Variants in IQSEC1 observed in about 807,000 individuals in gnomAD.
IQSEC1 encodes IQ motif and SEC7 domain-containing protein 1.
A neutral mutation model predicts 91.0 loss-of-function variants in IQSEC1; 31 were observed. The ratio of observed to expected loss-of-function variants is 0.34; its 90% CI spans 0.26 to 0.46. IQSEC1 has a LOEUF of 0.46. Among genes scored for constraint, IQSEC1 ranks in the 20% least tolerant of loss-of-function variants. The pLI, the probability that IQSEC1 is intolerant of heterozygous loss-of-function variation, is 1.00. For missense variants in IQSEC1, 1,388 were observed against 1,575.6 expected (o/e 0.88, Z 2.02); for synonymous variants, 699 against 662.6 (o/e 1.05, Z -0.84).
chr3:13,263,970 C>T (rs943722638), intron 1 of IQSEC1, among the ~76,000 whole-genome samples: 1 of 152,236 alleles, frequency 6.6e-6, no homozygotes. Context: ...TGTCCCTGCG[C>T]CTGTCCGCCT....
chr3:13,106,510 C>T (rs1349090490), intron 2 of IQSEC1, among the ~76,000 whole-genome samples: 1 of 152,178 alleles, frequency 6.6e-6, no homozygotes, highest in African/African-American at 2.4e-5. Context: ...GATGAGGGAA[C>T]CTGAGGCCAA....
In IQSEC1 at chr3:12,967,438, T is replaced by C. The variant is rs1700653030; in HGVS notation, c.24-25573A>G. On this transcript the variant is annotated intron_variant, in intron 1 of 13. Coordinates refer to ENST00000613206, the MANE Select transcript of IQSEC1 (RefSeq NM_001134382.3). The surrounding 1 kb of genome is among the most constrained non-coding windows in gnomAD (Gnocchi z 5.9). Reference sequence around the variant, plus strand: ...GGACTGGGTCCTCTCCGAGTTGCAGTGCAGGCACCACATGGCGGCCGCAGT... The same window carrying C: ...GGACTGGGTCCTCTCCGAGTTGCAGCGCAGGCACCACATGGCGGCCGCAGT... The C allele has an allele frequency of 6.5e-7, 1 of 1,528,440 alleles. No individual in the cohort carries two copies. The highest frequency in any genetic ancestry group is 1.2e-5 in the South Asian group (1 of 82,492). 94.7% of individuals were successfully genotyped at this position (1,528,440 alleles called of 1,614,324 possible). A position where few individuals can be genotyped will look rare whatever the true frequency, so the allele number is the denominator to read the frequency against.
chr3:13,066,246 G>C (rs1226392550), intron 1 of IQSEC1, among the ~76,000 whole-genome samples: 2 of 152,260 alleles, frequency 1.3e-5, no homozygotes, highest in Non-Finnish European at 2.9e-5. Flanking sequence ...CAACGCAACA[G>C]TGTTCAGCTT....
chr3:12,971,376 G>A (rs1700884916), intron 1 of IQSEC1, among the ~76,000 whole-genome samples: 1 of 152,128 alleles, frequency 6.6e-6, no homozygotes, highest in Admixed American at 6.5e-5. Flanking sequence ...GCCTGCCCAT[G>A]TGCACATAGA....
At chr3:13,217,421 C>T (rs2125070032) in intron 1 of IQSEC1, among the ~76,000 whole-genome samples, 1 of 152,292 alleles carries the variant, frequency 6.6e-6, no homozygotes, top group South Asian at 2.1e-4. Context: ...ATAGGGTGCA[C>T]CAGCAGATCG....
At position 12,963,120 on chromosome 3, in the gene IQSEC1, C is replaced by G. The variant is rs527439498; in HGVS notation, c.24-21255G>C. 2.6e-5 allele frequency among the ~76,000 whole-genome samples: 4 copies of G among 152,362 alleles called. No individual in the cohort carries two copies. The East Asian group carries it at 7.7e-4, about 29-fold the overall frequency. ...CACTAAATGGCAACTGTTGCTATTA[C>G]TATTACTACTGAGCTTTGAACAAAG... On this transcript the variant is annotated intron_variant, in intron 1 of 13. Transcript: ENST00000613206.
intron 1 of IQSEC1, among the ~76,000 whole-genome samples, chr3:13,014,160 C>T (rs974776595): frequency 2.0e-5 from 3 of 152,170 alleles, no homozygotes; most frequent in Non-Finnish European, 4.4e-5. Context: ...GGTCCTTGGG[C>T]CAACAGCCCC....
Position 12,979,828 on chromosome 3 carries a change from C to T in IQSEC1, c.24-37963G>A, listed in dbSNP as rs577454945. Among the ~76,000 whole-genome samples the T allele has an allele frequency of 4.6e-5, 7 of 152,274 alleles. No individual in the cohort carries two copies. In the South Asian group the frequency reaches 1.2e-3, roughly 27 times the overall value. On this transcript the variant is annotated intron_variant, in intron 1 of 13. Transcript: ENST00000613206. This position sits in a 1 kb window ranked among gnomAD's most constrained non-coding sequence, Gnocchi z 4.3. ...GCTGAGCCTGTGCCTCACCCGGAAT[C>T]GTTTCGCGGCCTGGATCTCATACTT...
intron 10 of IQSEC1, among the ~76,000 whole-genome samples, chr3:12,910,974 T>C (rs1316124048): frequency 1.3e-5 from 2 of 151,098 alleles, no homozygotes; most frequent in Admixed American, 1.3e-4. Context: ...CCGTGGAGAG[T>C]GAAAGGAGCA....
chr3:13,187,144 A>T (rs935477271), intron 1 of IQSEC1, among the ~76,000 whole-genome samples: 2 of 152,058 alleles, frequency 1.3e-5, no homozygotes, highest in African/African-American at 4.8e-5. Context: ...CCAACCATTC[A>T]TCGTCCTACC....
In IQSEC1 at chr3:12,959,940, A is replaced by G. The variant is rs113477937; in HGVS notation, c.24-18075T>C. On this transcript the variant is annotated intron_variant, in intron 1 of 13. Coordinates refer to ENST00000613206, the MANE Select transcript of IQSEC1 (RefSeq NM_001134382.3). ...AAACAAAAAATCTCAAACCCTGCTC[A>G]TTTAAATGACGGCTCTGAGAACAGT... Among the ~76,000 whole-genome samples the G allele has an allele frequency of 2.0e-5, 3 of 152,176 alleles. No homozygotes were observed. In the South Asian group the frequency reaches 6.2e-4, roughly 31 times the overall value.
chr3:13,132,613 G>C (rs894960301), intron 2 of IQSEC1, among the ~76,000 whole-genome samples: 2 of 152,176 alleles, frequency 1.3e-5, no homozygotes, highest in African/African-American at 2.4e-5. Context: ...TCTCTGAGCT[G>C]TGACCTGAAC....
intron 1 of IQSEC1, among the ~76,000 whole-genome samples, chr3:13,257,686 G>A (rs558864659): frequency 9.8e-5 from 15 of 152,290 alleles, no homozygotes; most frequent in Admixed American, 7.8e-4. Flanking sequence ...CTCTGAACCC[G>A]GAGCCCCTTA....
At chr3:13,255,302 G>C (rs1695267307) in intron 1 of IQSEC1, among the ~76,000 whole-genome samples, 1 of 152,190 alleles carries the variant, frequency 6.6e-6, no homozygotes, top group Non-Finnish European at 1.5e-5. Context: ...GCTCTGCCTT[G>C]TGAGACGGAG....
chr3:13,182,772 T>C (rs1239704339), intron 1 of IQSEC1, among the ~76,000 whole-genome samples: 1 of 152,216 alleles, frequency 6.6e-6, no homozygotes, highest in Admixed American at 6.5e-5. Context: ...TATCAAAATA[T>C]GTGAGCTGCA....
intron 1 of IQSEC1, among the ~76,000 whole-genome samples, chr3:13,269,174 G>A (rs924845310): frequency 6.6e-6 from 1 of 152,178 alleles, no homozygotes; most frequent in East Asian, 1.9e-4. Flanking sequence ...CCGGCTCAGG[G>A]CACTCTTGTG....
rs1698228825 is a variant in IQSEC1 at position 12,936,638 on chromosome 3, G to A, written c.378C>T (p.Thr126=). ...GGTACTGGCGAAACGCCGTCTGGAT[G>A]GTGCGGGCCGCATGGCGGGTTACCA... ...GRLVTRHAAR[T]IQTAFRQYQM... The change falls in exon 3 of 14, where the codon ACC becomes ACT. Residue 126 remains threonine (T), a synonymous_variant. Transcript: ENST00000613206. The A allele has an allele frequency of 6.2e-7, 1 of 1,609,494 alleles. No homozygotes were observed. Among genetic ancestry groups the A allele is most frequent in the African/African-American group, 1.3e-5 (1 of 74,990 alleles).
chr3:13,247,459 C>G (rs1197166103), intron 1 of IQSEC1, among the ~76,000 whole-genome samples: 1 of 152,224 alleles, frequency 6.6e-6, no homozygotes, highest in Non-Finnish European at 1.5e-5. Flanking sequence ...CCTCATCGCC[C>G]CCCTTGGGAC....
At chr3:13,156,716 G>T (rs1275137700) in intron 2 of IQSEC1, among the ~76,000 whole-genome samples, 1 of 152,232 alleles carries the variant, frequency 6.6e-6, no homozygotes, top group Non-Finnish European at 1.5e-5. Flanking sequence ...GAAGTAAACT[G>T]GCTGATGTGC....
Sources: gnomAD v4.1 joint callset for allele counts (sites outside exome capture counted in the v4.1 genomes callset) on GRCh38, gnomAD v4.1.1 for gene constraint, Gnocchi (gnomAD v3.1) non-coding constraint, MANE v1.5 for transcripts, NCBI Gene and HGNC (gene_info 2026-07-23, HGNC 2026-07-21) for gene names.